Variants in UBR3 observed in about 807,000 individuals in gnomAD.
The protein encoded by UBR3 is ubiquitin protein ligase E3 component n-recognin 3, also known as E3 ubiquitin-protein ligase UBR3.
In UBR3, 85 loss-of-function variants were observed where a neutral mutation model predicts 243.2. That is an observed-to-expected ratio of 0.35 (90% CI 0.29 to 0.42). UBR3 has a LOEUF of 0.42. Ranked by LOEUF, UBR3 falls within the 10% of genes least tolerant of loss-of-function variation. The probability of loss-of-function intolerance (pLI) is 1.00; values close to 1 mark genes in which losing one functional copy is unlikely to be tolerated. For missense variants in UBR3, 1,686 were observed against 2,300.8 expected (o/e 0.73, Z 5.47); for synonymous variants, 748 against 799.8 (o/e 0.94, Z 1.09).
chr2:170,055,420 T>C, intron 32 of UBR3, 40 bp from the exon 33 acceptor site: 1 of 1,601,554 alleles, frequency 6.2e-7, no homozygotes. Context: ...GTACAAAATA[T>C]CTAGATTCCA....
intron 35 of UBR3, among the ~76,000 whole-genome samples, chr2:170,062,909 G>A (rs1217209145): frequency 6.6e-6 from 1 of 152,170 alleles, no homozygotes. Context: ...TCAATATGTT[G>A]CATAGAAAGG....
chr2:169,902,767 G>A (rs1399842033), intron 8 of UBR3, among the ~76,000 whole-genome samples: 8 of 152,168 alleles, frequency 5.3e-5, no homozygotes, highest in Middle Eastern at 6.8e-3. Flanking sequence ...CTGCCACCAC[G>A]CCCAGCTAAC....
intron 31 of UBR3, among the ~76,000 whole-genome samples, chr2:170,039,673 G>A (rs2090917050): frequency 6.6e-6 from 1 of 152,058 alleles, no homozygotes; most frequent in Non-Finnish European, 1.5e-5. Context: ...GAAGAATTTT[G>A]TTCATCCCAA....
intron 14 of UBR3, 64 bp from the exon 15 acceptor site, chr2:169,926,628 A>T (rs909313424): frequency 2.4e-5 from 35 of 1,440,682 alleles, no homozygotes; most frequent in Non-Finnish European, 3.0e-5. Flanking sequence ...GTATAGAAAA[A>T]CATGATTAAT....
At chr2:169,950,499 A>G (rs1290798337) in intron 23 of UBR3, among the ~76,000 whole-genome samples, 1 of 152,086 alleles carries the variant, frequency 6.6e-6, no homozygotes, top group African/African-American at 2.4e-5. Context: ...ATTTTTAAAA[A>G]GTGATGTTTT....
rs1484810829 is a variant in UBR3, at chr2:170,083,849, T to G, written c.*2006T>G. The G allele has an allele frequency of 1.1e-4, 17 of 152,598 alleles. No homozygotes were observed. 9.5% of individuals were successfully genotyped at this position (152,598 alleles called of 1,614,324 possible). A position where few individuals can be genotyped will look rare whatever the true frequency, so the allele number is the denominator to read the frequency against. On this transcript the variant is annotated 3_prime_UTR_variant, in exon 39 of 39. Coordinates refer to ENST00000272793, the MANE Select transcript of UBR3 (RefSeq NM_172070.4). ...TGTACTTGAATACATACATGCATGC[T>G]GCTAAACTAGAACTTTAATTTTTCC... is the stretch of plus-strand genomic sequence containing the variant.
At chr2:169,993,231 GTGATA>G (rs2089351650) in intron 25 of UBR3, among the ~76,000 whole-genome samples, 1 of 152,150 alleles carries the variant, frequency 6.6e-6, no homozygotes, top group African/African-American at 2.4e-5. Context: ...GTACATAAAT[GTGATA>G]TGATATTTTG....
chr2:170,081,738 T>G lies in UBR3; in HGVS notation c.5562T>G (p.Pro1854=). Residue 1854 remains proline, a synonymous_variant, in exon 39 of 39, where the codon CCT becomes CCG. Coordinates refer to ENST00000272793, the MANE Select transcript of UBR3 (RefSeq NM_172070.4). Reference sequence around the variant, plus strand: ...CTTTTTGTTCTAGGCGAGGCAAACCTCTCTACATTTGTAAGGAAAGATACA... The same window carrying G: ...CTTTTTGTTCTAGGCGAGGCAAACCGCTCTACATTTGTAAGGAAAGATACA... The part of the protein sequence containing the change: ...EEDRDLRRGK[P]LYICKERYKV... 1 of 1,603,758 alleles carries G rather than the reference T, an allele frequency of 6.2e-7. No homozygotes were observed. The highest frequency in any genetic ancestry group is 8.5e-7 in the Non-Finnish European group (1 of 1,175,510).
intron 2 of UBR3, 105 bp from the exon 3 acceptor site, chr2:169,875,686 A>G (rs1383166466): frequency 1.3e-4 from 140 of 1,088,344 alleles, no homozygotes; most frequent in Non-Finnish European, 1.7e-4. Context: ...ATAAAATACT[A>G]TAATTTAAGC....
chr2:169,958,526 G>C lies in UBR3; in HGVS notation c.3634G>C (p.Asp1212His). The C allele has an allele frequency of 6.2e-7, 1 of 1,611,574 alleles. No individual in the cohort carries two copies. The highest frequency in any genetic ancestry group is 1.1e-5 in the South Asian group (1 of 90,842). ...KSFMETAMDVDSPENDIPMEI... is the reference protein window; with the variant it reads ...KSFMETAMDVHSPENDIPMEI... ...CTTTATGGAAACTGCAATGGATGTT[G>C]GTAAGTCAAAATTATTAGTTTAGAA... Residue 1212 changes from aspartate (D) to histidine (H), a missense_variant and splice_region_variant, in exon 24 of 39, where the codon GAT becomes CAT. Physicochemically the swap from Asp to His is moderately conservative, Grantham distance 81. Transcript: ENST00000272793.
In UBR3 at chr2:169,947,677, C is replaced by T. The variant is rs1013729427; in HGVS notation, c.3046C>T (p.Pro1016Ser). ...ETAPEVKRDS[P>S]ASTSSDNLGS... is the part of the protein sequence containing the mutation. ...TGCTCCTGAAGTAAAGAGAGACTCA[C>T]CTGCAAGTACTAGCTCTGATAACTT... Residue 1016 changes from proline (P) to serine (S), a missense_variant, in exon 22 of 39, where the codon CCT becomes TCT. Around this residue, in one of 8 missense-constraint regions of UBR3, gnomAD observed 300 missense variants for 314.4 expected, o/e 0.95. Coordinates refer to ENST00000272793, the MANE Select transcript of UBR3 (RefSeq NM_172070.4). The T allele has an allele frequency of 6.5e-7, 1 of 1,531,968 alleles. No homozygotes were observed. The highest frequency in any genetic ancestry group is 2.5e-5 in the East Asian group (1 of 40,162). The allele number at this position is 1,531,968 out of a possible 1,614,324, so 94.9% of individuals were successfully genotyped here. A position where few individuals can be genotyped will look rare whatever the true frequency, so the allele number is the denominator to read the frequency against.
chr2:169,971,350 T>C (rs954820568), intron 24 of UBR3, among the ~76,000 whole-genome samples: 3 of 151,714 alleles, frequency 2.0e-5, no homozygotes, highest in African/African-American at 7.2e-5. Context: ...TTTGTCAATT[T>C]TGGCTTTTGT....
In UBR3 at chr2:169,834,484, A is replaced by C. The variant is rs117610942; in HGVS notation, c.545+6432A>C. ...AATTTGCAAATTCAACTTTGATAGA[A>C]CCCTCCAAAGAAATTAATTTACATT... On this transcript the variant is annotated intron_variant, in intron 1 of 38. Coordinates refer to ENST00000272793, the MANE Select transcript of UBR3 (RefSeq NM_172070.4). Among the ~76,000 whole-genome samples the C allele has an allele frequency of 1.1e-3, 169 of 151,350 alleles. 4 individuals are homozygous for C. In the East Asian group the frequency reaches 0.021, roughly 19 times the overall value.
At chr2:169,837,756 C>T (rs775427540) in intron 1 of UBR3, among the ~76,000 whole-genome samples, 5 of 152,164 alleles carry the variant, frequency 3.3e-5, no homozygotes, top group African/African-American at 1.2e-4. Flanking sequence ...CCACCCTTGA[C>T]GTGTGGGGAT....
intron 11 of UBR3, among the ~76,000 whole-genome samples, chr2:169,917,869 A>G (rs2085523943): frequency 6.6e-6 from 1 of 151,874 alleles, no homozygotes; most frequent in Non-Finnish European, 1.5e-5. Flanking sequence ...CACCCAGCTA[A>G]TTTTTGTATT....
chr2:169,830,619 T>C (rs2081901614), intron 1 of UBR3, among the ~76,000 whole-genome samples: 1 of 151,424 alleles, frequency 6.6e-6, no homozygotes, highest in African/African-American at 2.4e-5. Flanking sequence ...AATAGCATTC[T>C]TACTGGTTTT....
At chr2:170,081,685 C>A in intron 38 of UBR3, 41 bp from the exon 39 acceptor site, 1 of 1,416,582 alleles carries the variant, frequency 7.1e-7, no homozygotes, top group African/African-American at 1.5e-5. Flanking sequence ...GTGAAATCTT[C>A]CGTGTATGAT....
chr2:170,058,167 C>T (rs139144857), intron 33 of UBR3, among the ~76,000 whole-genome samples: 273 of 152,202 alleles, frequency 1.8e-3, no homozygotes, highest in Non-Finnish European at 2.9e-3. Flanking sequence ...TCCTTCTTTA[C>T]GTCTTCTCTC....
At chr2:170,062,952 A>G (rs1206104827) in intron 35 of UBR3, among the ~76,000 whole-genome samples, 1 of 152,214 alleles carries the variant, frequency 6.6e-6, no homozygotes, top group African/African-American at 2.4e-5. Flanking sequence ...AGAGATTAAA[A>G]TATAGTTGTA....
Sources: allele counts gnomAD v4.1 joint callset (sites outside exome capture counted in the v4.1 genomes callset), GRCh38; gene constraint gnomAD v4.1.1; regional missense constraint gnomAD v4.1.1; transcripts MANE v1.5; gene names NCBI Gene and HGNC (gene_info 2026-07-23, HGNC 2026-07-21).